The following TOGARAM1 variants were observed in gnomAD, a reference collection of about 807,000 sequenced individuals.
TOGARAM1 encodes TOG array regulator of axonemal microtubules protein 1.
Under a neutral mutation model 166.6 loss-of-function variants are expected in TOGARAM1, and 100 were observed. The observed-to-expected ratio is 0.60, with a 90% CI of 0.51 to 0.71. The LOEUF (loss-of-function observed/expected upper bound fraction) is 0.71, where lower values mean the gene tolerates loss of function less well. TOGARAM1 is among the 30% of genes least tolerant of loss of function. The pLI is 0.00. For missense variants in TOGARAM1, 2,029 were observed against 2,102.7 expected (o/e 0.96, Z 0.69); for synonymous variants, 758 against 763.8 (o/e 0.99, Z 0.13).
In TOGARAM1 at chr14:45,027,555, GA is replaced by G. The variant is rs374560630; in HGVS notation, c.3504+84del. ...TTGTGTATATCAGATGTGGGGTGGT[GA>G]AAGTATTTCAATTAAAATTTAAAAA... is the stretch of plus-strand genomic sequence containing the variant. On this transcript the variant is annotated intron_variant, in intron 9 of 19. Coordinates refer to ENST00000361462, the MANE Select transcript of TOGARAM1 (RefSeq NM_001308120.2). The G allele has an allele frequency of 4.5e-4, 495 of 1,097,670 alleles. 4 individuals are homozygous for G. The African/African-American group carries it at 6.4e-3, about 14-fold the overall frequency. 68.0% of individuals were successfully genotyped at this position (1,097,670 alleles called of 1,614,324 possible).
At chr14:45,006,305 G>T (rs772090969) in intron 5 of TOGARAM1, 38 bp downstream of exon 5, 5 of 1,472,548 alleles carry the variant, frequency 3.4e-6, no homozygotes, top group African/African-American at 1.4e-5. Context: ...AAAAATATTT[G>T]CAATTTTCTA....
intron 6 of TOGARAM1, 21 bp from the exon 7 acceptor site, chr14:45,011,954 A>G: frequency 6.5e-7 from 1 of 1,539,426 alleles, no homozygotes; most frequent in Middle Eastern, 1.7e-4. Flanking sequence ...TGTTTATTGA[A>G]ATTACTTTGT....
intron 10 of TOGARAM1, among the ~76,000 whole-genome samples, chr14:45,029,346 T>C (rs1044565156): frequency 6.6e-6 from 1 of 152,212 alleles, no homozygotes; most frequent in Admixed American, 6.5e-5. Flanking sequence ...TTACAAATAG[T>C]AATAAATCAT....
At chr14:45,005,903 G>A in intron 4 of TOGARAM1, 105 bp from the exon 5 acceptor site, 1 of 963,850 alleles carries the variant, frequency 1.0e-6, no homozygotes, top group Non-Finnish European at 1.5e-6. Context: ...CAGCTATAAT[G>A]TGCTTTTTTT....
intron 16 of TOGARAM1, 24 bp from the exon 17 acceptor site, chr14:45,066,554 A>G: frequency 6.4e-7 from 1 of 1,555,742 alleles, no homozygotes; most frequent in Non-Finnish European, 8.7e-7. Context: ...AAATGAAATT[A>G]CCTTCACCTT....
Position 44,963,810 on chromosome 14 carries a change from G to A in TOGARAM1, c.1389G>A (p.Met463Ile), listed in dbSNP as rs761227117. 47 of 1,614,042 alleles carry A rather than the reference G, an allele frequency of 2.9e-5. No individual in the cohort carries two copies. Among genetic ancestry groups the A allele is most frequent in the Non-Finnish European group, 3.4e-5 (40 of 1,180,006 alleles). Residue 463 changes from methionine to isoleucine, a missense_variant, in exon 1 of 20, where the codon ATG becomes ATA. Met to Ile is a conservative substitution (Grantham distance 10, BLOSUM62 1). Transcript: ENST00000361462. Reference sequence around the variant, plus strand: ...ACATGAAAATCTTCCTCAAGCTAATGAAGGAAGTAGGACCTCAGCAGGTGC... The same window carrying A: ...ACATGAAAATCTTCCTCAAGCTAATAAAGGAAGTAGGACCTCAGCAGGTGC... ...QEYMKIFLKL[M>I]KEVGPQQVLC...
chr14:45,069,629 C>G (rs1285733928), intron 18 of TOGARAM1, among the ~76,000 whole-genome samples: 1 of 152,104 alleles, frequency 6.6e-6, no homozygotes, highest in East Asian at 1.9e-4. Context: ...TTCAACATCA[C>G]TAGCCATCCG....
intron 10 of TOGARAM1, among the ~76,000 whole-genome samples, chr14:45,030,237 G>A (rs556905255): frequency 6.6e-6 from 1 of 152,154 alleles, no homozygotes; most frequent in Non-Finnish European, 1.5e-5. Flanking sequence ...AATAAAGATA[G>A]GTGATAGTAC....
chr14:44,964,537 A>C, intron 1 of TOGARAM1, 70 bp downstream of exon 1: 1 of 1,481,026 alleles, frequency 6.8e-7, no homozygotes, highest in Admixed American at 2.3e-5. Context: ...GTGATGACTT[A>C]AGGGTCAGCC....
intron 16 of TOGARAM1, among the ~76,000 whole-genome samples, chr14:45,063,875 C>G (rs1883020358): frequency 6.6e-6 from 1 of 152,116 alleles, no homozygotes; most frequent in Non-Finnish European, 1.5e-5. Context: ...ACCTGCCTAA[C>G]CCAGTCTTAG....
intron 5 of TOGARAM1, 195 bp downstream of exon 5, chr14:45,006,462 A>C: frequency 2.1e-6 from 1 of 469,520 alleles, no homozygotes; most frequent in Non-Finnish European, 3.8e-6. Context: ...TACCAGAATA[A>C]TTTACTGTTA....
At chr14:45,031,187 T>G (rs898283281) in intron 10 of TOGARAM1, among the ~76,000 whole-genome samples, 2 of 152,210 alleles carry the variant, frequency 1.3e-5, no homozygotes, top group South Asian at 2.1e-4. Flanking sequence ...GTGACTAATA[T>G]TTCCTTTCTA....
At chr14:44,991,104 A>C in intron 1 of TOGARAM1, among the ~76,000 whole-genome samples, 1 of 151,560 alleles carries the variant, frequency 6.6e-6, no homozygotes, top group South Asian at 2.1e-4. Flanking sequence ...GACTACCGGA[A>C]TGCAACACCA....
Position 44,963,749 on chromosome 14 carries a change from T to A in TOGARAM1, c.1328T>A (p.Val443Glu), listed in dbSNP as rs1566589927. 6.2e-7 allele frequency: 1 copy of A among 1,613,760 alleles called. No homozygotes were observed. The change falls in exon 1 of 20, where the codon GTG becomes GAG. Residue 443 changes from valine to glutamate, a missense_variant. Physicochemically the swap from Val to Glu is moderately radical, Grantham distance 121. Transcript: ENST00000361462. The part of the protein sequence containing the change: ...LGPVIAASVK[V>E]LADNKLVIKQ... Reference sequence around the variant, plus strand: ...CCAGTTATAGCAGCTTCTGTCAAAGTGCTGGCGGACAACAAGTTGGTGATC... The same window carrying A: ...CCAGTTATAGCAGCTTCTGTCAAAGAGCTGGCGGACAACAAGTTGGTGATC...
chr14:45,005,875 C>T (rs779446210), intron 4 of TOGARAM1, 133 bp from the exon 5 acceptor site: 2 of 619,586 alleles, frequency 3.2e-6, no homozygotes, highest in Non-Finnish European at 5.2e-6. Context: ...CTTTATTCAG[C>T]TTGTTCTCCC....
intron 7 of TOGARAM1, among the ~76,000 whole-genome samples, chr14:45,017,382 A>G (rs1880210004): frequency 6.6e-6 from 1 of 150,494 alleles, no homozygotes; most frequent in Non-Finnish European, 1.5e-5. Context: ...GCCCCCAGGA[A>G]ATGCACCAGA....
chr14:45,004,021 T>G (rs962949901), intron 3 of TOGARAM1, 40 bp from the exon 4 acceptor site: 6 of 1,528,188 alleles, frequency 3.9e-6, no homozygotes, highest in Middle Eastern at 1.7e-4. Context: ...TGTTAAACTG[T>G]GTATACATAA....
chr14:45,000,084 T>C (rs28690844), intron 3 of TOGARAM1, among the ~76,000 whole-genome samples: 41,746 of 151,862 alleles, frequency 0.27, 6,811 homozygotes, highest in African/African-American at 0.46. Flanking sequence ...CCTCCGCCCC[T>C]GCCCCCGGGT....
chr14:45,041,145 G>A (rs1190037729), intron 11 of TOGARAM1, among the ~76,000 whole-genome samples: 17 of 152,232 alleles, frequency 1.1e-4, no homozygotes. Context: ...GCTCACGCCT[G>A]TAATCTTAGC....
Sources: gnomAD v4.1 joint callset for allele counts (sites outside exome capture counted in the v4.1 genomes callset) on GRCh38, gnomAD v4.1.1 for gene constraint, MANE v1.5 for transcripts, NCBI Gene and HGNC (gene_info 2026-07-23, HGNC 2026-07-21) for gene names.